The following MPPED2 variants were observed in gnomAD, a reference collection of about 807,000 sequenced individuals.
The protein encoded by MPPED2 is metallophosphoesterase domain containing 2.
A neutral mutation model predicts 33.0 loss-of-function variants in MPPED2; 5 were observed. That is an observed-to-expected ratio of 0.15 (90% CI 0.08 to 0.32). The LOEUF (loss-of-function observed/expected upper bound fraction) is 0.32. Ranked by LOEUF, MPPED2 falls within the 10% of genes least tolerant of loss-of-function variation. The probability of loss-of-function intolerance (pLI) is 1.00; values close to 1 mark genes in which losing one functional copy is unlikely to be tolerated. For missense variants in MPPED2, 275 were observed against 372.1 expected (o/e 0.74, Z 2.15); for synonymous variants, 136 against 141.9 (o/e 0.96, Z 0.29).
At chr11:30,451,716 A>G in intron 4 of MPPED2, 6 of 976,346 alleles carry the variant, frequency 6.1e-6, no homozygotes, top group Non-Finnish European at 7.3e-6. Context: ...GAAACTTTTG[A>G]AAGAATACAA....
chr11:30,537,811 C>T (rs889603069), intron 2 of MPPED2, among the ~76,000 whole-genome samples: 6 of 152,190 alleles, frequency 3.9e-5, no homozygotes, highest in African/African-American at 7.2e-5. Context: ...GCTGTTACCA[C>T]GTAGAAAATT....
intron 3 of MPPED2, among the ~76,000 whole-genome samples, chr11:30,524,731 G>A (rs1954074528): frequency 6.6e-6 from 1 of 152,178 alleles, no homozygotes; most frequent in Non-Finnish European, 1.5e-5. Context: ...TGAATAAAAT[G>A]TAGTCATAGT....
Position 30,524,184 on chromosome 11 carries a change from C to A in MPPED2, c.310+11810G>T, listed in dbSNP as rs576457995. Among the ~76,000 whole-genome samples, 480 of 151,984 alleles carry A rather than the reference C, an allele frequency of 3.2e-3. 2 individuals carry two copies. The highest frequency in any genetic ancestry group is 5.3e-3 in the Non-Finnish European group (361 of 67,972). Reference sequence around the variant, plus strand: ...AGGAGAATCGCTTGAGTCTGGGAGGCGGAGGTTGCAGTGAGCTGAGATAGC... The same window carrying A: ...AGGAGAATCGCTTGAGTCTGGGAGGAGGAGGTTGCAGTGAGCTGAGATAGC... On this transcript the variant is annotated intron_variant, in intron 3 of 6. Coordinates refer to ENST00000358117, the MANE Select transcript of MPPED2 (RefSeq NM_001584.3).
intron 2 of MPPED2, among the ~76,000 whole-genome samples, chr11:30,538,218 C>T (rs145870656): frequency 6.6e-6 from 1 of 152,246 alleles, no homozygotes; most frequent in East Asian, 1.9e-4. Flanking sequence ...TGTTTTCTAG[C>T]TTTCATTCTA....
intron 4 of MPPED2, among the ~76,000 whole-genome samples, chr11:30,459,299 T>G: frequency 6.6e-6 from 1 of 152,220 alleles, no homozygotes; most frequent in East Asian, 1.9e-4. Context: ...ATTGTGCTAC[T>G]TTCTGTGCAC....
intron 3 of MPPED2, among the ~76,000 whole-genome samples, chr11:30,501,333 G>T (rs1303195314): frequency 6.6e-6 from 1 of 152,204 alleles, no homozygotes; most frequent in Non-Finnish European, 1.5e-5. Context: ...GCAGAAACTG[G>T]CATGTTCCAA....
intron 4 of MPPED2, among the ~76,000 whole-genome samples, chr11:30,480,090 G>A (rs185946210): frequency 2.0e-5 from 3 of 152,196 alleles, no homozygotes; most frequent in Admixed American, 6.5e-5. Flanking sequence ...ATCAGCAAAG[G>A]TCAGGCTGGA....
intron 2 of MPPED2, among the ~76,000 whole-genome samples, chr11:30,579,873 T>C (rs934960395): frequency 1.3e-5 from 2 of 151,374 alleles, no homozygotes; most frequent in Non-Finnish European, 2.9e-5. Context: ...TATTTCAGAA[T>C]GGAGGCAAGC....
chr11:30,389,520 C>T (rs892485246), intron 6 of MPPED2, among the ~76,000 whole-genome samples: 1 of 152,190 alleles, frequency 6.6e-6, no homozygotes, highest in Non-Finnish European at 1.5e-5. Flanking sequence ...GGTTATGATT[C>T]TGAAGGGCAG....
At chr11:30,521,456 G>A (rs144077825) in intron 3 of MPPED2, among the ~76,000 whole-genome samples, 193 of 152,244 alleles carry the variant, frequency 1.3e-3, no homozygotes, top group African/African-American at 4.5e-3. Context: ...GAAACACACA[G>A]AGTATCTCAA....
At chr11:30,485,510 CT>C (rs993118518) in intron 4 of MPPED2, among the ~76,000 whole-genome samples, 15 of 58,910 alleles carry the variant, frequency 2.5e-4, no homozygotes, top group Admixed American at 2.1e-3. Flanking sequence ...GAGAGCCAAG[CT>C]TATTGGGAAC....
rs558242006 is a variant in MPPED2, at chr11:30,426,812, C to T, written c.537-9179G>A. ...TTCCAAATGCAGACAGGCCCTGAGG[C>T]CAGGAGGTGACCTGGGGCATCTGTG... On this transcript the variant is annotated intron_variant, in intron 4 of 6. Transcript: ENST00000358117. Among the ~76,000 whole-genome samples the T allele has an allele frequency of 1.2e-3, 190 of 152,284 alleles. 3 individuals are homozygous for T. Among genetic ancestry groups the T allele is most frequent in the African/African-American group, 4.4e-3 (182 of 41,564 alleles).
At chr11:30,555,649 C>A (rs550995406) in intron 2 of MPPED2, among the ~76,000 whole-genome samples, 65 of 152,266 alleles carry the variant, frequency 4.3e-4, no homozygotes, top group Non-Finnish European at 8.1e-4. Context: ...TTCCTGCCAC[C>A]ATGTAAGACA....
At chr11:30,535,861 G>A (rs2134483052) in intron 3 of MPPED2, 133 bp downstream of exon 3, 1 of 636,772 alleles carries the variant, frequency 1.6e-6, no homozygotes, top group East Asian at 3.0e-5. Context: ...TTGGATTAAA[G>A]CTAGACACCA....
At chr11:30,410,030 G>C (rs760114667), downstream of MPPED2, 2 of 848,962 alleles carry the variant, frequency 2.4e-6, no homozygotes, top group Non-Finnish European at 2.8e-6. Flanking sequence ...GAAGGAAAGA[G>C]TACACTGAGT....
At chr11:30,433,381 G>A (rs887591931) in intron 4 of MPPED2, among the ~76,000 whole-genome samples, 4 of 152,094 alleles carry the variant, frequency 2.6e-5, no homozygotes, top group Non-Finnish European at 5.9e-5. Context: ...ATTCATAAGA[G>A]CTAACATTTA....
At chr11:30,574,506 A>G (rs991404521) in intron 2 of MPPED2, among the ~76,000 whole-genome samples, 5 of 152,356 alleles carry the variant, frequency 3.3e-5, no homozygotes, top group African/African-American at 1.2e-4. Flanking sequence ...ATTAAGTGAC[A>G]CCATACTTCT....
chr11:30,494,737 C>CAAAAAAAAAAAAAAAA (rs767500886), intron 4 of MPPED2, among the ~76,000 whole-genome samples: 4 of 47,600 alleles, frequency 8.4e-5, no homozygotes, highest in Admixed American at 6.3e-4. Flanking sequence ...TACTCCACCT[C>CAAAAAAAAAAAAAAAA]AAAAAAAAAA....
At chr11:30,534,414 C>G (rs916015104) in intron 3 of MPPED2, among the ~76,000 whole-genome samples, 1 of 152,150 alleles carries the variant, frequency 6.6e-6, no homozygotes, top group Non-Finnish European at 1.5e-5. Flanking sequence ...TTAGAACCAA[C>G]TCTGCCACTA....
Sources: gnomAD v4.1 joint callset for allele counts (sites outside exome capture counted in the v4.1 genomes callset) on GRCh38, gnomAD v4.1.1 for gene constraint, MANE v1.5 for transcripts, NCBI Gene and HGNC (gene_info 2026-07-23, HGNC 2026-07-21) for gene names.